Variants in RORA observed in about 807,000 individuals in gnomAD.
RORA encodes the protein nuclear receptor ROR-alpha.
A neutral mutation model predicts 69.5 loss-of-function variants in RORA; 7 were observed. The observed-to-expected ratio is 0.10, with a 90% CI of 0.06 to 0.19. The LOEUF is 0.19. Ranked by LOEUF, RORA falls within the 10% of genes least tolerant of loss-of-function variation. RORA has a pLI of 1.00. For synonymous variants in RORA, 261 were observed against 240.8 expected (o/e 1.08, Z -0.78); for missense variants, 457 against 663.0 (o/e 0.69, Z 3.41).
chr15:61,162,861 A>T (rs779591807), intron 1 of RORA, among the ~76,000 whole-genome samples: 5 of 152,212 alleles, frequency 3.3e-5, no homozygotes, highest in Admixed American at 6.5e-5. Context: ...AAAACTGGAA[A>T]CAAGGCCACT....
chr15:61,090,379 A>AG (rs1480323050), intron 1 of RORA, among the ~76,000 whole-genome samples: 1 of 152,236 alleles, frequency 6.6e-6, no homozygotes, highest in Non-Finnish European at 1.5e-5. Flanking sequence ...TGAATGAGGC[A>AG]GTTGCCAACA....
chr15:61,029,265 G>C (rs1326841854), intron 1 of RORA, among the ~76,000 whole-genome samples: 1 of 152,176 alleles, frequency 6.6e-6, no homozygotes, highest in Non-Finnish European at 1.5e-5. Context: ...CAAAGCTCCT[G>C]TGTGTGGTTG....
intron 1 of RORA, among the ~76,000 whole-genome samples, chr15:60,717,796 C>CTTTTTT (rs10653856): frequency 1.2e-4 from 11 of 91,992 alleles, no homozygotes; most frequent in African/African-American, 3.8e-4. Context: ...TTCTTTTTCT[C>CTTTTTT]TTTTTTTTTT....
chr15:60,535,399 T>G (rs969372738), intron 2 of RORA, among the ~76,000 whole-genome samples: 5 of 152,202 alleles, frequency 3.3e-5, no homozygotes, highest in Non-Finnish European at 7.3e-5. Flanking sequence ...TCATGCACCC[T>G]GTGTAATTCA....
At chr15:61,003,071 G>A (rs538838652) in intron 1 of RORA, among the ~76,000 whole-genome samples, 2 of 150,942 alleles carry the variant, frequency 1.3e-5, no homozygotes, top group South Asian at 2.1e-4. Context: ...GTGAACCTGG[G>A]AGGCGGAAGT....
rs531223261 is a variant in RORA at position 60,728,104 on chromosome 15, T to C, written c.167-49418A>G. 1.5e-3 allele frequency among the ~76,000 whole-genome samples: 232 copies of C among 152,370 alleles called. 3 individuals carry two copies. Among genetic ancestry groups the C allele is most frequent in the Middle Eastern group, 0.01 (3 of 294 alleles). The stretch of plus-strand genomic sequence containing the variant: ...AGGATTTTTTCCATTTTTCCTTGCA[T>C]GTTATTGGAACTGAAAACCTTACTT... On this transcript the variant is annotated intron_variant, in intron 1 of 10. Transcript: ENST00000335670.
chr15:60,705,005 G>A (rs916244835), intron 1 of RORA, among the ~76,000 whole-genome samples: 35 of 152,112 alleles, frequency 2.3e-4, no homozygotes, highest in African/African-American at 7.5e-4. Context: ...AATGCTTTTC[G>A]TGAGCCCACA....
At chr15:61,044,309 C>T (rs922510885) in intron 1 of RORA, among the ~76,000 whole-genome samples, 2 of 152,100 alleles carry the variant, frequency 1.3e-5, no homozygotes, top group Non-Finnish European at 2.9e-5. Flanking sequence ...TTGGTATCAC[C>T]TTCTGCTCCT....
intron 1 of RORA, among the ~76,000 whole-genome samples, chr15:60,873,881 A>G (rs1244102334): frequency 1.3e-5 from 2 of 152,244 alleles, no homozygotes; most frequent in African/African-American, 4.8e-5. Flanking sequence ...TATCTTTCAC[A>G]TAGTAATTCA....
intron 1 of RORA, among the ~76,000 whole-genome samples, chr15:61,017,098 T>C (rs1895318927): frequency 6.6e-6 from 1 of 152,224 alleles, no homozygotes; most frequent in African/African-American, 2.4e-5. Context: ...GAGCCTTTCT[T>C]TTCCAAGTTG....
intron 1 of RORA, among the ~76,000 whole-genome samples, chr15:61,084,981 C>T (rs2078601170): frequency 6.6e-6 from 1 of 152,152 alleles, no homozygotes; most frequent in African/African-American, 2.4e-5. Context: ...CCATAATTCC[C>T]AGTGATTGCA....
chr15:60,914,900 G>C (rs1891827412), intron 1 of RORA, among the ~76,000 whole-genome samples: 1 of 152,190 alleles, frequency 6.6e-6, no homozygotes, highest in Non-Finnish European at 1.5e-5. Flanking sequence ...TTGGTGAAGG[G>C]GAGGGCACTA....
chr15:61,133,330 G>A (rs2140847932), intron 1 of RORA, among the ~76,000 whole-genome samples: 1 of 152,292 alleles, frequency 6.6e-6, no homozygotes, highest in Non-Finnish European at 1.5e-5. Flanking sequence ...GTCACAATGT[G>A]CATGGCAGAA....
At chr15:60,876,186 A>G (rs945653028) in intron 1 of RORA, among the ~76,000 whole-genome samples, 39 of 152,154 alleles carry the variant, frequency 2.6e-4, no homozygotes, top group Admixed American at 4.6e-4. Flanking sequence ...AAGCTAATTA[A>G]TTGTGAATGT....
At chr15:60,989,282 C>G (rs566489131) in intron 1 of RORA, among the ~76,000 whole-genome samples, 1 of 152,216 alleles carries the variant, frequency 6.6e-6, no homozygotes, top group African/African-American at 2.4e-5. Flanking sequence ...TATGGATTTG[C>G]CTATTATGGA....
chr15:61,072,979 T>G (rs1444444507), intron 1 of RORA, among the ~76,000 whole-genome samples: 1 of 152,244 alleles, frequency 6.6e-6, no homozygotes, highest in African/African-American at 2.4e-5. Context: ...CAGGAATTTA[T>G]GTTTGGGTAG....
At chr15:60,639,705 G>C (rs571402672) in intron 2 of RORA, among the ~76,000 whole-genome samples, 1 of 152,188 alleles carries the variant, frequency 6.6e-6, no homozygotes, top group African/African-American at 2.4e-5. Context: ...CCTCAGGAGG[G>C]GAGGCGGGCT....
intron 2 of RORA, chr15:60,650,762 A>G (rs1447416624): frequency 6.6e-6 from 1 of 152,206 alleles, no homozygotes; most frequent in African/African-American, 2.4e-5. Context: ...TAACTTCCAG[A>G]ATAAAGGAGG....
chr15:60,521,231 A>C (rs2066155583), intron 3 of RORA, among the ~76,000 whole-genome samples: 1 of 149,120 alleles, frequency 6.7e-6, no homozygotes, highest in Non-Finnish European at 1.5e-5. Flanking sequence ...ATAAGTCAAA[A>C]AAGAAAAAAA....
Sources: allele counts gnomAD v4.1 joint callset (sites outside exome capture counted in the v4.1 genomes callset), GRCh38; gene constraint gnomAD v4.1.1; transcripts MANE v1.5; gene names NCBI Gene and HGNC (gene_info 2026-07-23, HGNC 2026-07-21).